The following REXO1 variants were observed in gnomAD, a reference collection of about 807,000 sequenced individuals.
REXO1 encodes the protein REX1, RNA exonuclease 1 homolog.
REXO1 carries 42 observed loss-of-function variants against 102.6 expected under a neutral mutation model. The observed-to-expected ratio is 0.41, with a 90% CI of 0.32 to 0.53. The LOEUF (loss-of-function observed/expected upper bound fraction) is 0.53, where lower values mean the gene tolerates loss of function less well. Among genes scored for constraint, REXO1 ranks in the 20% least tolerant of loss-of-function variants. The probability of loss-of-function intolerance (pLI) is 0.27; values close to 1 mark genes in which losing one functional copy is unlikely to be tolerated. For missense variants in REXO1, 1,819 were observed against 1,732.5 expected (o/e 1.05, Z -0.89); for synonymous variants, 908 against 779.1 (o/e 1.17, Z -2.76).
Position 1,827,120 on chromosome 19 carries a change from TGGAGTCTGAGTC to T in REXO1, c.1657_1668del (p.Asp553_Ser556del), listed in dbSNP as rs1296547320. 1.1e-5 allele frequency: 17 copies of T among 1,542,126 alleles called. No individual in the cohort carries two copies. The highest frequency in any genetic ancestry group is 1.7e-4 in the Middle Eastern group (1 of 5,934). On this transcript the variant is annotated inframe_deletion, in exon 2 of 16. Coordinates refer to ENST00000170168, the MANE Select transcript of REXO1 (RefSeq NM_020695.4). ...CCCTGCGCCTCCGGGAAGCCCAGGCTGGAGTCTGAGTCGGAGTCTGAGTCCGAGCTGAGGCTG... is the reference window on the plus strand; with the variant it reads ...CCCTGCGCCTCCGGGAAGCCCAGGCTGGAGTCTGAGTCCGAGCTGAGGCTG...
rs1370456675 is a variant in REXO1, at chr19:1,818,803, G to C, written c.2805C>G (p.Thr935=). ...LYSRLREYLL[T]QDQLKENGYP... ...AGCCGTTCTCCTTGAGCTGGTCCTG[G>C]GTGAGCAGGTACTCCCTGAGGCGGC... is the stretch of plus-strand genomic sequence containing the variant. Residue 935 remains threonine (T), a synonymous_variant, in exon 9 of 16, where the codon ACC becomes ACG. Transcript: ENST00000170168. 2.5e-6 allele frequency: 4 copies of C among 1,609,552 alleles called. No individual in the cohort carries two copies. The Admixed American group carries it at 5.0e-5, about 20-fold the overall frequency.
chr19:1,821,056 C>T (rs2069520317), intron 5 of REXO1, among the ~76,000 whole-genome samples: 1 of 149,350 alleles, frequency 6.7e-6, no homozygotes, highest in Non-Finnish European at 1.5e-5. Flanking sequence ...CAAAAAAACA[C>T]CGCCAGGGCG....
At position 1,819,585 on chromosome 19, in the gene REXO1, A is replaced by G. The variant is rs551221998; in HGVS notation, c.2650+349T>C. On this transcript the variant is annotated intron_variant, in intron 7 of 15. Transcript: ENST00000170168. ...CTGGAGAGGCTGCAATGAAACGCCC[A>G]GGTCTCCGCTTTCTTCCTCCCCAGA... Among the ~76,000 whole-genome samples, 257 of 152,330 alleles carry G rather than the reference A, an allele frequency of 1.7e-3. 1 individual carries two copies. The highest frequency in any genetic ancestry group is 5.1e-3 in the African/African-American group (214 of 41,578).
rs2011665100 is a variant in REXO1, at chr19:1,848,428, T to TCGCCGCCGCCCGCGCCTCACGGACCC, written c.-96_-71dup. On this transcript the variant is annotated 5_prime_UTR_variant, in exon 1 of 16. It introduces an in-frame stop codon into an upstream open reading frame of the 5' UTR. Coordinates refer to ENST00000170168, the MANE Select transcript of REXO1 (RefSeq NM_020695.4). ...CAGGGCCCCCTCACTGGCGCCGCGG[T>TCGCCGCCGCCCGCGCCTCACGGACCC]CGCCGCCGCCCGCGCCTCACGGACC... The TCGCCGCCGCCCGCGCCTCACGGACCC allele has an allele frequency of 1.8e-5, 20 of 1,081,138 alleles. 1 individual carries two copies. In the South Asian group the frequency reaches 2.7e-4, roughly 14 times the overall value. The allele number at this position is 1,081,138 out of a possible 1,614,324, so 67.0% of individuals were successfully genotyped here.
chr19:1,848,149 C>A, intron 1 of REXO1, 53 bp downstream of exon 1: 3 of 963,680 alleles, frequency 3.1e-6, no homozygotes, highest in Non-Finnish European at 4.0e-6. Flanking sequence ...GGGGTGGGGT[C>A]CAGACCCGGG....
intron 1 of REXO1, among the ~76,000 whole-genome samples, chr19:1,829,179 G>A (rs1266581575): frequency 6.6e-6 from 1 of 152,264 alleles, no homozygotes; most frequent in East Asian, 1.9e-4. Context: ...CTGCGGTGAT[G>A]TGGCTGAGCA....
chr19:1,816,039 G>A lies in REXO1; in HGVS notation c.*27C>T. On this transcript the variant is annotated 3_prime_UTR_variant, in exon 16 of 16. Transcript: ENST00000170168. ...GGGCTAAGGACCAGCGGGACGGCAG[G>A]AGAGGCGGGTGGGAGGCGGGCAGGC... 6.5e-7 allele frequency: 1 copy of A among 1,540,638 alleles called. No individual in the cohort carries two copies. The highest frequency in any genetic ancestry group is 8.7e-7 in the Non-Finnish European group (1 of 1,147,126).
At chr19:1,840,211 C>T (rs1371733411) in intron 1 of REXO1, among the ~76,000 whole-genome samples, 1 of 152,244 alleles carries the variant, frequency 6.6e-6, no homozygotes, top group African/African-American at 2.4e-5. Context: ...TCTGAGCACC[C>T]CAGCGTCGAC....
chr19:1,837,585 T>C (rs2070076188), intron 1 of REXO1, among the ~76,000 whole-genome samples: 1 of 152,186 alleles, frequency 6.6e-6, no homozygotes, highest in Non-Finnish European at 1.5e-5. Flanking sequence ...GGCCCAGCTC[T>C]GCCCCACCCC....
rs372526700 is a variant in REXO1, at chr19:1,816,129, G to A, written c.3603C>T (p.Asp1201=). The part of the protein sequence containing the change: ...DNVDGHSSSE[D]AGACMHLVIW... ...TCACCAGGTGCATGCAGGCGCCGGC[G>A]TCCTCGCTGGAGCTGTGCCCATCCA... Residue 1201 remains aspartate, a synonymous_variant, in exon 16 of 16, where the codon GAC becomes GAT. Transcript: ENST00000170168. The A allele has an allele frequency of 1.5e-5, 23 of 1,550,170 alleles. No individual in the cohort carries two copies. In the Admixed American group the frequency reaches 1.8e-4, roughly 12 times the overall value.
chr19:1,827,499 C>T lies in REXO1; in HGVS notation c.1290G>A (p.Pro430=), dbSNP rs763408159. ...AAGATGGCTTCTTCTTGGTCCCTTC[C>T]GGCCGCTCTGCCTTGCGCCGGGGGC... ...ASSPRRKAER[P]EGTKKKPSSA... Residue 430 remains proline (P), a synonymous_variant, in exon 2 of 16, where the codon CCG becomes CCA. Coordinates refer to ENST00000170168, the MANE Select transcript of REXO1 (RefSeq NM_020695.4). 2.2e-5 allele frequency: 35 copies of T among 1,580,964 alleles called. No individual in the cohort carries two copies. The highest frequency in any genetic ancestry group is 4.5e-5 in the East Asian group (2 of 44,576).
chr19:1,816,035 G>T lies in REXO1; in HGVS notation c.*31C>A. ...CATGGGGCTAAGGACCAGCGGGACGGCAGGAGAGGCGGGTGGGAGGCGGGC... is the reference window on the plus strand; with the variant it reads ...CATGGGGCTAAGGACCAGCGGGACGTCAGGAGAGGCGGGTGGGAGGCGGGC... On this transcript the variant is annotated 3_prime_UTR_variant, in exon 16 of 16. Transcript: ENST00000170168. The T allele has an allele frequency of 6.5e-7, 1 of 1,541,186 alleles. No homozygotes were observed. The highest frequency in any genetic ancestry group is 8.7e-7 in the Non-Finnish European group (1 of 1,147,284).
At position 1,821,846 on chromosome 19, in the gene REXO1, C is replaced by CT. The variant is rs1251640798; in HGVS notation, c.2231-165dup. On this transcript the variant is annotated intron_variant, in intron 4 of 15. Coordinates refer to ENST00000170168, the MANE Select transcript of REXO1 (RefSeq NM_020695.4). ...TGGGGCTGCGCAATGGCATCAGGCT[C>CT]TAGCTGCCTTCAGGCAAGTCCATCG... The CT allele has an allele frequency of 1.4e-5, 9 of 646,598 alleles. No individual in the cohort carries two copies. In the African/African-American group the frequency reaches 1.5e-4, roughly 11 times the overall value. The allele number at this position is 646,598 out of a possible 1,614,324, so 40.1% of individuals were successfully genotyped here.
At chr19:1,822,452 C>A (rs2069574655) in intron 4 of REXO1, 1 of 152,118 alleles carries the variant, frequency 6.6e-6, no homozygotes, top group South Asian at 2.1e-4. Flanking sequence ...CCCTCGGCTG[C>A]ACGCTGGGGG....
intron 4 of REXO1, chr19:1,821,968 G>T: frequency 1.8e-6 from 1 of 542,464 alleles, no homozygotes; most frequent in South Asian, 2.6e-5. Context: ...CCAAGCCCAA[G>T]GCGTCGATGT....
rs556062867 is a variant in REXO1 at position 1,839,319 on chromosome 19, A to G, written c.157+8883T>C. 2.4e-4 allele frequency among the ~76,000 whole-genome samples: 37 copies of G among 151,598 alleles called. No homozygotes were observed. In the Middle Eastern group the frequency reaches 0.014, roughly 57 times the overall value. On this transcript the variant is annotated intron_variant, in intron 1 of 15. Coordinates refer to ENST00000170168, the MANE Select transcript of REXO1 (RefSeq NM_020695.4). Reference sequence around the variant, plus strand: ...CATCCCAGGGCCTTTTCTGTCCCCAAAGGACATTTCCCAGTGGGTGTTTCT... The same window carrying G: ...CATCCCAGGGCCTTTTCTGTCCCCAGAGGACATTTCCCAGTGGGTGTTTCT...
intron 1 of REXO1, among the ~76,000 whole-genome samples, chr19:1,842,145 A>G (rs1292854682): frequency 2.7e-5 from 4 of 147,726 alleles, no homozygotes; most frequent in Non-Finnish European, 4.5e-5. Flanking sequence ...CAGGAGGCGG[A>G]GGTTACAGGA....
chr19:1,821,709 C>T, intron 4 of REXO1, 27 bp from the exon 5 acceptor site: 6 of 1,595,360 alleles, frequency 3.8e-6, no homozygotes, highest in South Asian at 1.1e-5. Flanking sequence ...GGTGTGGGCA[C>T]AGGGCGAGTG....
At chr19:1,820,978 AAC>A (rs2069516919) in intron 5 of REXO1, among the ~76,000 whole-genome samples, 1 of 145,994 alleles carries the variant, frequency 6.8e-6, no homozygotes, top group Non-Finnish European at 1.5e-5. Context: ...TAGCCTGGGC[AAC>A]AGAGACCCTG....
Sources: allele counts gnomAD v4.1 joint callset (sites outside exome capture counted in the v4.1 genomes callset), GRCh38; gene constraint gnomAD v4.1.1; transcripts MANE v1.5; gene names NCBI Gene and HGNC (gene_info 2026-07-23, HGNC 2026-07-21).